Variants in PRDM7 observed in about 807,000 individuals in gnomAD.
The protein encoded by PRDM7 is histone-lysine N-methyltransferase PRDM7.
In PRDM7, 52 loss-of-function variants were observed where a neutral mutation model predicts 64.3. The ratio of observed to expected loss-of-function variants is 0.81; its 90% CI spans 0.65 to 1.02. PRDM7 has a LOEUF of 1.02. PRDM7 is among the 50% of genes least tolerant of loss of function. PRDM7 has a pLI of 0.00. For synonymous variants in PRDM7, 192 were observed against 210.1 expected (o/e 0.91, Z 0.74); for missense variants, 574 against 597.1 (o/e 0.96, Z 0.40).
rs1214342594 is a variant in PRDM7, at chr16:90,058,274, G to A, written c.*15C>T. On this transcript the variant is annotated 3_prime_UTR_variant, in exon 11 of 11. Transcript: ENST00000449207. ...GAAAAGGCCCTTGAAATCTCCCTCT[G>A]CCATGTCCTTTTATTCAAGAGTTTG... is the stretch of plus-strand genomic sequence containing the variant. 6.2e-7 allele frequency: 1 copy of A among 1,614,132 alleles called. No individual in the cohort carries two copies. The highest frequency in any genetic ancestry group is 1.1e-5 in the South Asian group (1 of 91,080).
chr16:90,076,983 G>A (rs1353853375), intron 1 of PRDM7, among the ~76,000 whole-genome samples: 2 of 152,040 alleles, frequency 1.3e-5, no homozygotes, highest in Non-Finnish European at 2.9e-5. Context: ...GGGAAATTGT[G>A]GCTCCTCAGG....
At chr16:90,066,291 A>G (rs1246247757) in intron 5 of PRDM7, among the ~76,000 whole-genome samples, 1 of 151,158 alleles carries the variant, frequency 6.6e-6, no homozygotes, top group African/African-American at 2.5e-5. Flanking sequence ...TGAATTGTCT[A>G]TTTACTTGGA....
intron 4 of PRDM7, among the ~76,000 whole-genome samples, chr16:90,067,961 G>A (rs192500789): frequency 1.3e-5 from 2 of 151,382 alleles, no homozygotes; most frequent in Admixed American, 1.3e-4. Flanking sequence ...TCATAAACAA[G>A]GTAAGGATTT....
intron 5 of PRDM7, among the ~76,000 whole-genome samples, chr16:90,064,632 T>C (rs2037841505): frequency 6.6e-6 from 1 of 151,480 alleles, no homozygotes; most frequent in Non-Finnish European, 1.5e-5. Context: ...CAGGCTGGTC[T>C]AGAACTCCTC....
Position 90,058,216 on chromosome 16 carries a change from C to T in PRDM7, c.*73G>A, listed in dbSNP as rs373833751. 3 of 1,614,076 alleles carry T rather than the reference C, an allele frequency of 1.9e-6. No homozygotes were observed. Among genetic ancestry groups the T allele is most frequent in the Admixed American group, 3.3e-5 (2 of 60,008 alleles). On this transcript the variant is annotated 3_prime_UTR_variant, in exon 11 of 11. Transcript: ENST00000449207. The stretch of plus-strand genomic sequence containing the variant: ...TTCTTCCATCATTCTTTCTCCCACT[C>T]TAGAGCTCCCCATTTGTCCTTTGGG...
chr16:90,063,814 A>T (rs533367111), intron 5 of PRDM7, 46 bp from the exon 6 acceptor site: 27 of 1,604,152 alleles, frequency 1.7e-5, no homozygotes, highest in Middle Eastern at 3.3e-4. Flanking sequence ...GCATTTATTT[A>T]GTTCTTTACG....
intron 4 of PRDM7, among the ~76,000 whole-genome samples, chr16:90,071,652 T>C (rs1597692173): frequency 6.6e-6 from 1 of 152,180 alleles, no homozygotes; most frequent in African/African-American, 2.4e-5. Flanking sequence ...CCTGTGATAA[T>C]GGCATTAATC....
In PRDM7 at chr16:90,062,072, G is replaced by C; in HGVS notation, c.731C>G (p.Pro244Arg). The change falls in exon 8 of 11, where the codon CCG becomes CGG. Residue 244 changes from proline to arginine, a missense_variant. By Grantham distance (103) the Pro-to-Arg change is moderately radical (BLOSUM62 -2). Transcript: ENST00000449207. ...HPNRSALSLP[P>R]GLRIGPSGIP... Reference sequence around the variant, plus strand: ...GCCTGATGGCCCAATTCTCAGCCCCGGGGGCAGACTGAGGGCTGAACGGTT... The same window carrying C: ...GCCTGATGGCCCAATTCTCAGCCCCCGGGGCAGACTGAGGGCTGAACGGTT... The C allele has an allele frequency of 6.2e-7, 1 of 1,614,210 alleles. No individual in the cohort carries two copies. The highest frequency in any genetic ancestry group is 8.5e-7 in the Non-Finnish European group (1 of 1,180,030).
Position 90,062,080 on chromosome 16 carries a change from A to T in PRDM7, c.723T>A (p.Ser241Arg). 1 of 1,614,224 alleles carries T rather than the reference A, an allele frequency of 6.2e-7. No homozygotes were observed. The highest frequency in any genetic ancestry group is 8.5e-7 in the Non-Finnish European group (1 of 1,180,026). Residue 241 changes from serine (S) to arginine (R), a missense_variant, in exon 8 of 11, where the codon AGT becomes AGA. Ser to Arg is a moderately radical substitution (Grantham distance 110). Coordinates refer to ENST00000449207, the MANE Select transcript of PRDM7 (RefSeq NM_001098173.2). The stretch of plus-strand genomic sequence containing the variant: ...GCCCAATTCTCAGCCCCGGGGGCAG[A>T]CTGAGGGCTGAACGGTTGGGATGCC... ...DKGHPNRSALSLPPGLRIGPS... is the reference protein window; with the variant it reads ...DKGHPNRSALRLPPGLRIGPS...
At chr16:90,074,832 T>G in intron 4 of PRDM7, 84 bp downstream of exon 4, 5 of 1,391,750 alleles carry the variant, frequency 3.6e-6, no homozygotes, top group Non-Finnish European at 5.0e-6. Context: ...TGAGCCAAGA[T>G]CACGCCATTG....
chr16:90,058,043 G>T lies in PRDM7; in HGVS notation c.*246C>A. 1 of 1,611,842 alleles carries T rather than the reference G, an allele frequency of 6.2e-7. No homozygotes were observed. Among genetic ancestry groups the T allele is most frequent in the South Asian group, 1.1e-5 (1 of 91,050 alleles). On this transcript the variant is annotated 3_prime_UTR_variant, in exon 11 of 11. Coordinates refer to ENST00000449207, the MANE Select transcript of PRDM7 (RefSeq NM_001098173.2). Reference sequence around the variant, plus strand: ...CAGACGTAGGGCTTCCCCCCTGTGTGTGTCCTTTGGTGTGTAATAACATCT... The same window carrying T: ...CAGACGTAGGGCTTCCCCCCTGTGTTTGTCCTTTGGTGTGTAATAACATCT...
chr16:90,071,520 GTCT>G (rs1297783342), intron 4 of PRDM7, among the ~76,000 whole-genome samples: 1 of 152,164 alleles, frequency 6.6e-6, no homozygotes, highest in African/African-American at 2.4e-5. Flanking sequence ...TCTTGCAAGG[GTCT>G]TCAAGCTGCA....
At chr16:90,061,667 C>T in intron 8 of PRDM7, 148 bp from the exon 9 acceptor site, 2 of 1,156,808 alleles carry the variant, frequency 1.7e-6, no homozygotes, top group Non-Finnish European at 2.5e-6. Flanking sequence ...ATCATCTACA[C>T]ATCTGAGTTG....
At position 90,063,723 on chromosome 16, in the gene PRDM7, A is replaced by G. The variant is rs541353933; in HGVS notation, c.397T>C (p.Leu133=). 3.7e-6 allele frequency: 6 copies of G among 1,614,214 alleles called. No homozygotes were observed. The highest frequency in any genetic ancestry group is 5.1e-6 in the Non-Finnish European group (6 of 1,180,034). Residue 133 remains leucine, a synonymous_variant, in exon 6 of 11, where the codon TTG becomes CTG. Transcript: ENST00000449207. ...TTCAGTAAATTTGGCGTTCCTGACA[A>G]TTCTCTCAAACTAGATTCATTATTG... ...SFNNESSLRE[L]SGTPNLLNTS...
At chr16:90,068,632 C>G (rs1257822625) in intron 4 of PRDM7, among the ~76,000 whole-genome samples, 3 of 142,090 alleles carry the variant, frequency 2.1e-5, no homozygotes, top group African/African-American at 5.5e-5. Context: ...GAGACTCCGT[C>G]TCAAAAAAAA....
intron 1 of PRDM7, among the ~76,000 whole-genome samples, chr16:90,076,853 C>T (rs535127692): frequency 6.6e-6 from 1 of 151,804 alleles, no homozygotes; most frequent in Non-Finnish European, 1.5e-5. Context: ...GTTATTTGGT[C>T]CTTGAAGCTG....
chr16:90,074,895 C>A, intron 4 of PRDM7, 21 bp downstream of exon 4: 1 of 1,591,308 alleles, frequency 6.3e-7, no homozygotes, highest in East Asian at 2.2e-5. Context: ...AAAAAAAAAT[C>A]CTCCTTCCCT....
intron 4 of PRDM7, among the ~76,000 whole-genome samples, chr16:90,074,283 GTCA>G (rs59691191): frequency 0.52 from 76,726 of 147,718 alleles, 21,243 homozygotes; most frequent in Middle Eastern, 0.74. Flanking sequence ...AATCATCATC[GTCA>G]TCATCATCAT....
chr16:90,077,007 G>A (rs1253923354), intron 1 of PRDM7, among the ~76,000 whole-genome samples: 5 of 152,130 alleles, frequency 3.3e-5, no homozygotes, highest in Admixed American at 1.3e-4. Flanking sequence ...AGAATATTTG[G>A]GGATCTAAGC....
Sources: allele counts gnomAD v4.1 joint callset (sites outside exome capture counted in the v4.1 genomes callset), GRCh38; gene constraint gnomAD v4.1.1; transcripts MANE v1.5; gene names NCBI Gene and HGNC (gene_info 2026-07-23, HGNC 2026-07-21).